Variants in TXLNA observed in about 807,000 individuals in gnomAD.
TXLNA encodes the protein taxilin alpha, also known as alpha-taxilin.
Under a neutral mutation model 61.4 loss-of-function variants are expected in TXLNA, and 9 were observed. That is an observed-to-expected ratio of 0.15 (90% CI 0.09 to 0.26). The LOEUF is 0.26. TXLNA is among the 10% of genes least tolerant of loss of function. The pLI, the probability that TXLNA is intolerant of heterozygous loss-of-function variation, is 1.00. For missense variants in TXLNA, 565 were observed against 688.8 expected (o/e 0.82, Z 2.01); for synonymous variants, 257 against 267.7 (o/e 0.96, Z 0.39).
intron 2 of TXLNA, 80 bp downstream of exon 2, chr1:32,180,594 G>A: frequency 6.8e-7 from 1 of 1,475,728 alleles, no homozygotes; most frequent in Non-Finnish European, 9.0e-7. Flanking sequence ...ACAGGCCGAG[G>A]CCAGGTTGTC....
rs754525966 is a variant in TXLNA, at chr1:32,198,162, C to T, written c.*2967C>T. The stretch of plus-strand genomic sequence containing the variant: ...TAACTGCTTTCCTTATGGCCCAGCC[C>T]GGCCACTCAGACTTGTTTGAAGCTG... On this transcript the variant is annotated 3_prime_UTR_variant, in exon 11 of 11. Coordinates refer to ENST00000373610, the MANE Select transcript of TXLNA (RefSeq NM_175852.4). The T allele has an allele frequency of 4.6e-5, 7 of 152,410 alleles. No individual in the cohort carries two copies. Among genetic ancestry groups the T allele is most frequent in the Middle Eastern group, 3.4e-3 (1 of 296 alleles). The allele number at this position is 152,410 out of a possible 1,614,324, so 9.4% of individuals were successfully genotyped here. A position where few individuals can be genotyped will look rare whatever the true frequency, so the allele number is the denominator to read the frequency against.
Position 32,180,315 on chromosome 1 carries a change from ATCT to A in TXLNA, c.-27_-25del, listed in dbSNP as rs748235928. On this transcript the variant is annotated splice_region_variant and 5_prime_UTR_variant, in exon 2 of 11. Coordinates refer to ENST00000373610, the MANE Select transcript of TXLNA (RefSeq NM_175852.4). ...TAGCAACTGTGTTTGTTTCTAAAGG[ATCT>A]TCTCCTGACCCAGCATCGCTCATCA... The A allele has an allele frequency of 6.4e-7, 1 of 1,574,598 alleles. No individual in the cohort carries two copies. Among genetic ancestry groups the A allele is most frequent in the South Asian group, 1.2e-5 (1 of 86,064 alleles).
In TXLNA at chr1:32,180,302, T is replaced by C; in HGVS notation, c.-32-12T>C. The C allele has an allele frequency of 1.9e-6, 3 of 1,552,900 alleles. No individual in the cohort carries two copies. The highest frequency in any genetic ancestry group is 2.1e-5 in the Admixed American group (1 of 47,352). ...GAAGTCTGGAAAATAGCAACTGTGT[T>C]TGTTTCTAAAGGATCTTCTCCTGAC... On this transcript the variant is annotated splice_polypyrimidine_tract_variant and intron_variant, in intron 1 of 10. Coordinates refer to ENST00000373610, the MANE Select transcript of TXLNA (RefSeq NM_175852.4).
At chr1:32,181,093 A>T (rs924034510) in intron 2 of TXLNA, 149 bp from the exon 3 acceptor site, 3 of 553,948 alleles carry the variant, frequency 5.4e-6, no homozygotes, top group Non-Finnish European at 6.0e-6. Flanking sequence ...TTGCTGAATG[A>T]TACTCCATTC....
rs149034357 is a variant in TXLNA, at chr1:32,198,043, C to G, written c.*2848C>G. 1 of 152,384 alleles carries G rather than the reference C, an allele frequency of 6.6e-6. No homozygotes were observed. The highest frequency in any genetic ancestry group is 1.5e-5 in the Non-Finnish European group (1 of 68,178). 9.4% of individuals were successfully genotyped at this position (152,384 alleles called of 1,614,324 possible). A position where few individuals can be genotyped will look rare whatever the true frequency, so the allele number is the denominator to read the frequency against. Reference sequence around the variant, plus strand: ...TCTCCAGCTGCTGCCCCAGCCTTTCCGCCTTGCACAGCACAGAGGTGGTCA... The same window carrying G: ...TCTCCAGCTGCTGCCCCAGCCTTTCGGCCTTGCACAGCACAGAGGTGGTCA... On this transcript the variant is annotated 3_prime_UTR_variant, in exon 11 of 11. Transcript: ENST00000373610.
At chr1:32,184,709 C>T (rs1330442676) in intron 4 of TXLNA, 93 bp downstream of exon 4, 15 of 781,070 alleles carry the variant, frequency 1.9e-5, no homozygotes, top group Non-Finnish European at 3.2e-5. Flanking sequence ...AAGTAGGTGG[C>T]TTAATTCCTG....
chr1:32,186,819 T>G (rs1642798550), intron 4 of TXLNA, among the ~76,000 whole-genome samples: 1 of 152,248 alleles, frequency 6.6e-6, no homozygotes, highest in Non-Finnish European at 1.5e-5. Flanking sequence ...CAAGATAAAT[T>G]CGTCTCTAGC....
Position 32,197,007 on chromosome 1 carries a change from T to C in TXLNA, c.*1812T>C, listed in dbSNP as rs1557510647. ...TGTGTGAGTGTTGAGATCTCTGCCA[T>C]CTCTGGCTGAGATACTGCTGTCCTG... On this transcript the variant is annotated 3_prime_UTR_variant, in exon 11 of 11. Transcript: ENST00000373610. This position sits in a 1 kb window ranked among gnomAD's most constrained non-coding sequence, Gnocchi z 4.6. 6.6e-6 allele frequency: 1 copy of C among 152,284 alleles called. No individual in the cohort carries two copies. The highest frequency in any genetic ancestry group is 1.5e-5 in the Non-Finnish European group (1 of 68,074). The allele number at this position is 152,284 out of a possible 1,614,324, so 9.4% of individuals were successfully genotyped here. A position where few individuals can be genotyped will look rare whatever the true frequency, so the allele number is the denominator to read the frequency against.
At chr1:32,185,358 G>T (rs1483127191) in intron 4 of TXLNA, among the ~76,000 whole-genome samples, 1 of 144,318 alleles carries the variant, frequency 6.9e-6, no homozygotes, top group Non-Finnish European at 1.5e-5. Context: ...CACAGCCTGT[G>T]TATGTATGTA....
At position 32,194,117 on chromosome 1, in the gene TXLNA, G is replaced by A. The variant is rs751461738; in HGVS notation, c.1304G>A (p.Arg435Gln). The A allele has an allele frequency of 9.3e-6, 15 of 1,613,840 alleles. No homozygotes were observed. The highest frequency in any genetic ancestry group is 4.5e-5 in the East Asian group (2 of 44,902). The change falls in exon 10 of 11, where the codon CGG becomes CAG. Residue 435 changes from arginine to glutamine, a missense_variant. Arg to Gln is a conservative substitution (Grantham distance 43). Transcript: ENST00000373610. ...LEKETTMYRS[R>Q]WESSNKALLE... is the part of the protein sequence containing the mutation. Reference sequence around the variant, plus strand: ...AAAGAAACCACCATGTACCGGTCCCGGTGGGAGAGCAGCAACAAGGCCCTG... The same window carrying A: ...AAAGAAACCACCATGTACCGGTCCCAGTGGGAGAGCAGCAACAAGGCCCTG...
Position 32,195,829 on chromosome 1 carries a change from C to T in TXLNA, c.*634C>T, listed in dbSNP as rs1369291751. On this transcript the variant is annotated 3_prime_UTR_variant, in exon 11 of 11. Transcript: ENST00000373610. ...TCAGGAGCCCCTTGGGCATCGCTTCCCCTGCCCTTTGGTAGTGCCAGGACC... is the reference window on the plus strand; with the variant it reads ...TCAGGAGCCCCTTGGGCATCGCTTCTCCTGCCCTTTGGTAGTGCCAGGACC... 2 of 455,586 alleles carry T rather than the reference C, an allele frequency of 4.4e-6. No individual in the cohort carries two copies. The highest frequency in any genetic ancestry group is 8.8e-6 in the Non-Finnish European group (2 of 226,624). 28.2% of individuals were successfully genotyped at this position (455,586 alleles called of 1,614,324 possible).
intron 6 of TXLNA, 71 bp downstream of exon 6, chr1:32,190,320 C>T: frequency 7.0e-7 from 1 of 1,425,330 alleles, no homozygotes; most frequent in Non-Finnish European, 9.5e-7. Context: ...GGCACTGGGA[C>T]AGTACCTTTT....
At chr1:32,185,734 C>G (rs1397084999) in intron 4 of TXLNA, among the ~76,000 whole-genome samples, 1 of 141,646 alleles carries the variant, frequency 7.1e-6, no homozygotes, top group East Asian at 2.2e-4. Flanking sequence ...GAGTCTCGCT[C>G]TGTCACCAGG....
chr1:32,184,975 T>G (rs1351001749), intron 4 of TXLNA, among the ~76,000 whole-genome samples: 3 of 152,190 alleles, frequency 2.0e-5, no homozygotes, highest in Non-Finnish European at 4.4e-5. Flanking sequence ...ACTTTTTCCT[T>G]TTACTCCAGA....
At chr1:32,189,836 TG>T (rs1262931484) in intron 5 of TXLNA, among the ~76,000 whole-genome samples, 1 of 151,944 alleles carries the variant, frequency 6.6e-6, no homozygotes, top group Non-Finnish European at 1.5e-5. Flanking sequence ...CCACCGCGCC[TG>T]CCATGTGCCT....
chr1:32,184,453 A>C, intron 3 of TXLNA, 72 bp from the exon 4 acceptor site: 1 of 982,558 alleles, frequency 1.0e-6, no homozygotes, highest in Non-Finnish European at 1.6e-6. Context: ...TTCAGCACTC[A>C]TGAGTGTGAG....
rs183952538 is a variant in TXLNA at position 32,182,398 on chromosome 1, C to T, written c.505+821C>T. Among the ~76,000 whole-genome samples the T allele has an allele frequency of 1.1e-3, 162 of 151,984 alleles. 1 individual carries two copies. The highest frequency in any genetic ancestry group is 3.8e-3 in the African/African-American group (157 of 41,470). On this transcript the variant is annotated intron_variant, in intron 3 of 10. Transcript: ENST00000373610. ...AGTCTAGGCCGGGTGTGGTGGCTCA[C>T]GCCTGTAATTGCAGCACTTTGGGAG...
Position 32,181,175 on chromosome 1 carries a change from G to C in TXLNA, c.170-67G>C. 3 of 1,386,424 alleles carry C rather than the reference G, an allele frequency of 2.2e-6. No homozygotes were observed. The South Asian group carries it at 5.2e-5, about 24-fold the overall frequency. The allele number at this position is 1,386,424 out of a possible 1,614,324, so 85.9% of individuals were successfully genotyped here. The stretch of plus-strand genomic sequence containing the variant: ...CAAACTGATGAGTTTGGCTGGGCCT[G>C]AAAAATCCCAACCAGTGGTATAATC... On this transcript the variant is annotated intron_variant, in intron 2 of 10. Coordinates refer to ENST00000373610, the MANE Select transcript of TXLNA (RefSeq NM_175852.4).
intron 3 of TXLNA, among the ~76,000 whole-genome samples, chr1:32,183,748 A>G (rs1642722823): frequency 7.8e-6 from 1 of 128,544 alleles, no homozygotes; most frequent in East Asian, 2.2e-4. Flanking sequence ...TTAATTAATT[A>G]ATTTTTTTAG....
Sources: allele counts gnomAD v4.1 joint callset (sites outside exome capture counted in the v4.1 genomes callset), GRCh38; gene constraint gnomAD v4.1.1; non-coding constraint Gnocchi (gnomAD v3.1); transcripts MANE v1.5; gene names NCBI Gene and HGNC (gene_info 2026-07-23, HGNC 2026-07-21).